Variants in DOCK4 observed in about 807,000 individuals in gnomAD.
DOCK4 encodes the protein dedicator of cytokinesis 4.
A neutral mutation model predicts 268.1 loss-of-function variants in DOCK4; 97 were observed. That is an observed-to-expected ratio of 0.36 (90% CI 0.31 to 0.43). The LOEUF (loss-of-function observed/expected upper bound fraction) is 0.43. Among genes scored for constraint, DOCK4 ranks in the 20% least tolerant of loss-of-function variants. DOCK4 has a pLI of 1.00. For synonymous variants in DOCK4, 954 were observed against 887.2 expected (o/e 1.08, Z -1.34); for missense variants, 2,145 against 2,455.7 (o/e 0.87, Z 2.67).
At chr7:111,814,198 G>T (rs779179679) in intron 27 of DOCK4, among the ~76,000 whole-genome samples, 5 of 152,154 alleles carry the variant, frequency 3.3e-5, no homozygotes, top group Non-Finnish European at 7.4e-5. Flanking sequence ...CCATGGCAAA[G>T]ATTACCAAAT....
At chr7:112,184,608 T>C (rs1056142121) in intron 1 of DOCK4, among the ~76,000 whole-genome samples, 23 of 152,190 alleles carry the variant, frequency 1.5e-4, no homozygotes, top group African/African-American at 5.3e-4. Flanking sequence ...ACTCTCCTCA[T>C]AAAAACCCCG....
At position 112,160,061 on chromosome 7, in the gene DOCK4, T is replaced by G. The variant is rs544567874; in HGVS notation, c.37+46041A>C. Among the ~76,000 whole-genome samples, 38 of 152,090 alleles carry G rather than the reference T, an allele frequency of 2.5e-4. No homozygotes were observed. In the South Asian group the frequency reaches 7.7e-3, roughly 31 times the overall value. ...CAACCAGTAAATATAATGCAAATATTTAAAAATCAAAACAAAAATGTGAAA... is the reference window on the plus strand; with the variant it reads ...CAACCAGTAAATATAATGCAAATATGTAAAAATCAAAACAAAAATGTGAAA... On this transcript the variant is annotated intron_variant, in intron 1 of 52. Transcript: ENST00000428084.
chr7:111,945,415 ACCT>A (rs1795540111), intron 9 of DOCK4, among the ~76,000 whole-genome samples: 1 of 152,124 alleles, frequency 6.6e-6, no homozygotes. Flanking sequence ...TGAATTCCTG[ACCT>A]CAGGTGATCC....
At chr7:111,871,189 G>A (rs1262054703) in intron 20 of DOCK4, among the ~76,000 whole-genome samples, 1 of 152,196 alleles carries the variant, frequency 6.6e-6, no homozygotes, top group Non-Finnish European at 1.5e-5. Context: ...AGTCAGGCAT[G>A]TGCATGCCCA....
intron 1 of DOCK4, among the ~76,000 whole-genome samples, chr7:112,013,432 C>T (rs1300547305): frequency 2.6e-5 from 4 of 152,150 alleles, no homozygotes; most frequent in Admixed American, 6.5e-5. Context: ...ATAGGGGAGC[C>T]AGTGAACAGT....
intron 47 of DOCK4, chr7:111,739,690 T>C: frequency 3.6e-6 from 2 of 561,804 alleles, no homozygotes; most frequent in Non-Finnish European, 6.3e-6. Flanking sequence ...AATGCCTTCG[T>C]GTTAGATTCA....
At chr7:111,793,028 T>A (rs895548745) in intron 30 of DOCK4, among the ~76,000 whole-genome samples, 1 of 152,250 alleles carries the variant, frequency 6.6e-6, no homozygotes. Flanking sequence ...CATTAAAAGC[T>A]AAACTCATGT....
intron 1 of DOCK4, among the ~76,000 whole-genome samples, chr7:112,013,710 T>G (rs1380233905): frequency 1.3e-5 from 2 of 152,232 alleles, no homozygotes; most frequent in Non-Finnish European, 2.9e-5. Flanking sequence ...GTATGAGCAA[T>G]AAAGCTTTTG....
At chr7:112,184,744 GCT>G (rs1428419062) in intron 1 of DOCK4, among the ~76,000 whole-genome samples, 1 of 151,750 alleles carries the variant, frequency 6.6e-6, no homozygotes, top group East Asian at 1.9e-4. Flanking sequence ...AAGCCTTTCT[GCT>G]CTTTCATTTT....
intron 1 of DOCK4, among the ~76,000 whole-genome samples, chr7:112,066,670 CATATACAT>C (rs1490753517): frequency 0.033 from 1,693 of 51,352 alleles, 101 homozygotes; most frequent in Non-Finnish European, 0.041. Flanking sequence ...TATACATATA[CATATACAT>C]ATATACATAT....
intron 23 of DOCK4, among the ~76,000 whole-genome samples, chr7:111,858,793 T>TTTCCTTCCTTCCCTCCC (rs1312281132): frequency 6.1e-5 from 9 of 148,122 alleles, no homozygotes; most frequent in South Asian, 2.2e-4. Context: ...CTTCCCTTCC[T>TTTCCTTCCTTCCCTCCC]TTCCTTCCTT....
chr7:111,880,129 A>G (rs2134282373), intron 16 of DOCK4, among the ~76,000 whole-genome samples: 1 of 152,314 alleles, frequency 6.6e-6, no homozygotes, highest in South Asian at 2.1e-4. Context: ...ACCTCAAAGC[A>G]TTTAATAATC....
At chr7:111,844,931 TG>T (rs750324060) in intron 24 of DOCK4, 34 bp from the exon 25 acceptor site, 35 of 1,586,030 alleles carry the variant, frequency 2.2e-5, no homozygotes, top group Non-Finnish European at 2.7e-5. Context: ...TTCAGGAAAC[TG>T]GGGTTTAACA....
chr7:111,774,916 C>T (rs951902931), intron 36 of DOCK4, among the ~76,000 whole-genome samples: 7 of 152,122 alleles, frequency 4.6e-5, no homozygotes, highest in South Asian at 2.1e-4. Context: ...TAAGTGGGCA[C>T]GGGTGAGCTG....
intron 51 of DOCK4, among the ~76,000 whole-genome samples, chr7:111,734,149 C>T (rs1393355430): frequency 6.6e-6 from 1 of 151,792 alleles, no homozygotes; most frequent in African/African-American, 2.4e-5. Flanking sequence ...CCATGTTGTA[C>T]AGGCTTCTCT....
At chr7:111,851,124 C>G (rs1267094148) in intron 23 of DOCK4, among the ~76,000 whole-genome samples, 1 of 152,062 alleles carries the variant, frequency 6.6e-6, no homozygotes, top group Non-Finnish European at 1.5e-5. Flanking sequence ...AGATCATAGA[C>G]CTAAAATGCA....
intron 1 of DOCK4, among the ~76,000 whole-genome samples, chr7:112,128,328 G>A (rs552269601): frequency 0.012 from 1,887 of 152,162 alleles, 41 homozygotes; most frequent in African/African-American, 0.042. Flanking sequence ...CAGCCGCCCC[G>A]TCCGGGAGGT....
At position 111,962,315 on chromosome 7, in the gene DOCK4, T is replaced by G. The variant is rs140792306; in HGVS notation, c.701+14817A>C. 9.2e-5 allele frequency among the ~76,000 whole-genome samples: 14 copies of G among 152,316 alleles called. 1 individual carries two copies. The East Asian group carries it at 2.7e-3, about 29-fold the overall frequency. ...TTCCTGTACTGGTTTTTAAAAATAA[T>G]CATTCTAATAACTAAGATTTACTGA... On this transcript the variant is annotated intron_variant, in intron 8 of 52. Coordinates refer to ENST00000428084, the MANE Select transcript of DOCK4 (RefSeq NM_001363540.2).
intron 1 of DOCK4, among the ~76,000 whole-genome samples, chr7:112,114,615 T>C (rs1250644928): frequency 1.3e-5 from 2 of 152,206 alleles, no homozygotes; most frequent in Non-Finnish European, 2.9e-5. Flanking sequence ...CATTCTCTAG[T>C]ACACAGCACA....
Sources: gnomAD v4.1 joint callset for allele counts (sites outside exome capture counted in the v4.1 genomes callset) on GRCh38, gnomAD v4.1.1 for gene constraint, MANE v1.5 for transcripts, NCBI Gene and HGNC (gene_info 2026-07-23, HGNC 2026-07-21) for gene names.